The following MLIP variants were observed in gnomAD, a reference collection of about 807,000 sequenced individuals.
The protein encoded by MLIP is muscular LMNA-interacting protein.
MLIP carries 79 observed loss-of-function variants against 84.8 expected under a neutral mutation model. That is an observed-to-expected ratio of 0.93 (90% confidence interval 0.78 to 1.12). The LOEUF (loss-of-function observed/expected upper bound fraction) is 1.12. Ranked by LOEUF, MLIP falls within the 50% of genes most tolerant of loss-of-function variation. The pLI is 0.00. For missense variants in MLIP, 1,257 were observed against 1,160.6 expected (o/e 1.08, Z -1.21); for synonymous variants, 504 against 463.0 (o/e 1.09, Z -1.14).
At chr6:54,186,602 G>A (rs1385473436) in intron 9 of MLIP, among the ~76,000 whole-genome samples, 1 of 152,174 alleles carries the variant, frequency 6.6e-6, no homozygotes, top group Admixed American at 6.5e-5. Flanking sequence ...TGAAGGAGAA[G>A]CAAGGACTTT....
chr6:54,156,120 T>C (rs1218087217), intron 5 of MLIP, among the ~76,000 whole-genome samples: 2 of 152,102 alleles, frequency 1.3e-5, no homozygotes, highest in Admixed American at 6.6e-5. Context: ...ATTTAAAGTA[T>C]GCTTTTAAGA....
chr6:54,019,392 G>T (rs1338037680), intron 1 of MLIP, among the ~76,000 whole-genome samples: 1 of 152,198 alleles, frequency 6.6e-6, no homozygotes, highest in African/African-American at 2.4e-5. Flanking sequence ...AGCACTGGAA[G>T]ATTGTTTTAT....
At chr6:54,239,187 A>G (rs1208013787) in intron 12 of MLIP, among the ~76,000 whole-genome samples, 16 of 151,652 alleles carry the variant, frequency 1.1e-4, no homozygotes. Flanking sequence ...CTACCTCTCC[A>G]TTCGTCTTGC....
chr6:54,085,482 G>C (rs1767426136), intron 1 of MLIP, among the ~76,000 whole-genome samples: 1 of 152,166 alleles, frequency 6.6e-6, no homozygotes, highest in African/African-American at 2.4e-5. Context: ...AGTAAACTTT[G>C]TGTTTATCAT....
At chr6:54,160,305 A>G (rs1774482454) in intron 5 of MLIP, 62 bp from the exon 6 acceptor site, 2 of 1,323,440 alleles carry the variant, frequency 1.5e-6, no homozygotes, top group South Asian at 2.5e-5. Flanking sequence ...CTTTGAAGAT[A>G]CTTTTCTACT....
At chr6:54,213,151 A>T (rs1779580543) in intron 11 of MLIP, among the ~76,000 whole-genome samples, 1 of 152,208 alleles carries the variant, frequency 6.6e-6, no homozygotes, top group Admixed American at 6.5e-5. Context: ...TGCCTTTTAA[A>T]TCTCTCTCTG....
intron 12 of MLIP, among the ~76,000 whole-genome samples, chr6:54,253,564 G>T (rs1782786532): frequency 6.6e-6 from 1 of 152,124 alleles, no homozygotes; most frequent in African/African-American, 2.4e-5. Flanking sequence ...GTACATTAAA[G>T]ACTTAATTAA....
intron 5 of MLIP, among the ~76,000 whole-genome samples, chr6:54,156,227 TA>T (rs1054572322): frequency 2.0e-5 from 3 of 152,030 alleles, no homozygotes; most frequent in African/African-American, 7.2e-5. Context: ...CACAGTCAAT[TA>T]AAAAAATCAA....
rs868866103 is a variant in MLIP at position 54,210,146 on chromosome 6, C to T, written c.2718+7913C>T. ...ACCTGCCCACCTCACCTCACCGCACCGCACCGCACCGCACCGCACCAGAGC... is the reference window on the plus strand; with the variant it reads ...ACCTGCCCACCTCACCTCACCGCACTGCACCGCACCGCACCGCACCAGAGC... On this transcript the variant is annotated intron_variant, in intron 11 of 13. Transcript: ENST00000502396. 4.6e-5 allele frequency among the ~76,000 whole-genome samples: 7 copies of T among 152,344 alleles called. No individual in the cohort carries two copies. In the East Asian group the frequency reaches 5.8e-4, roughly 13 times the overall value.
rs114752635 is a variant in MLIP at position 54,217,655 on chromosome 6, C to T, written c.2719-13059C>T. ...CAAAAATCAAGCTCCTCAGTAAAGC[C>T]TTTTTTTGAAACATTAGTTCTATGT... On this transcript the variant is annotated intron_variant, in intron 11 of 13. Transcript: ENST00000502396. 1.1e-3 allele frequency: 1,058 copies of T among 983,204 alleles called. 12 individuals carry two copies. The African/African-American group carries it at 0.018, about 16-fold the overall frequency. 60.9% of individuals were successfully genotyped at this position (983,204 alleles called of 1,614,324 possible). A position where few individuals can be genotyped will look rare whatever the true frequency, so the allele number is the denominator to read the frequency against.
chr6:54,245,415 A>G (rs1308882783), intron 12 of MLIP, among the ~76,000 whole-genome samples: 1 of 152,104 alleles, frequency 6.6e-6, no homozygotes, highest in Non-Finnish European at 1.5e-5. Flanking sequence ...CTACCCTTTT[A>G]TGCCCTTTAC....
At chr6:54,150,293 T>C (rs1254181825) in intron 5 of MLIP, among the ~76,000 whole-genome samples, 1 of 152,202 alleles carries the variant, frequency 6.6e-6, no homozygotes, top group Non-Finnish European at 1.5e-5. Flanking sequence ...TGCAGCTTTT[T>C]CCCTAGCATC....
At chr6:54,163,947 A>C (rs1481521479) in intron 8 of MLIP, among the ~76,000 whole-genome samples, 1 of 151,924 alleles carries the variant, frequency 6.6e-6, no homozygotes, top group Non-Finnish European at 1.5e-5. Flanking sequence ...ATAAAATTGT[A>C]GGTACTCTTT....
At chr6:54,123,969 T>C (rs1405106576) in intron 2 of MLIP, among the ~76,000 whole-genome samples, 1 of 152,232 alleles carries the variant, frequency 6.6e-6, no homozygotes, top group Non-Finnish European at 1.5e-5. Flanking sequence ...TTCTCCCTAA[T>C]TAACTTAGAT....
At chr6:54,111,373 C>CT (rs1459432962), upstream of MLIP, 1 of 1,475,592 alleles carries the variant, frequency 6.8e-7, no homozygotes, top group Non-Finnish European at 8.9e-7. Flanking sequence ...TGCTTTACCT[C>CT]TTTTTAGAAT....
At chr6:54,164,088 G>A (rs1774933014) in intron 8 of MLIP, among the ~76,000 whole-genome samples, 2 of 151,832 alleles carry the variant, frequency 1.3e-5, no homozygotes, top group Non-Finnish European at 2.9e-5. Flanking sequence ...AAAACTTTAT[G>A]TATGATCTTA....
intron 5 of MLIP, among the ~76,000 whole-genome samples, chr6:54,154,768 G>A (rs1773842433): frequency 6.6e-6 from 1 of 152,100 alleles, no homozygotes; most frequent in African/African-American, 2.4e-5. Context: ...TTGTTTTTAT[G>A]TGGAAAAATT....
At chr6:54,054,065 GGTGCTCA>G (rs1765511763) in intron 1 of MLIP, among the ~76,000 whole-genome samples, 1 of 152,150 alleles carries the variant, frequency 6.6e-6, no homozygotes, top group Non-Finnish European at 1.5e-5. Context: ...GCCACTCACT[GGTGCTCA>G]GGAATGTGGC....
At chr6:54,265,865 G>T in intron 13 of MLIP, 85 bp from the exon 14 acceptor site, 2 of 1,293,780 alleles carry the variant, frequency 1.5e-6, no homozygotes, top group Non-Finnish European at 1.1e-6. Context: ...GAGATGCTAT[G>T]CCCAAATATT....
Sources: gnomAD v4.1 joint callset for allele counts (sites outside exome capture counted in the v4.1 genomes callset) on GRCh38, gnomAD v4.1.1 for gene constraint, MANE v1.5 for transcripts, NCBI Gene and HGNC (gene_info 2026-07-23, HGNC 2026-07-21) for gene names.